The following SLC9A9 variants were observed in gnomAD, a reference collection of about 807,000 sequenced individuals.
SLC9A9 encodes the protein sodium/hydrogen exchanger 9.
SLC9A9 carries 62 observed loss-of-function variants against 77.8 expected under a neutral mutation model. The observed-to-expected ratio is 0.80, with a 90% CI of 0.65 to 0.98. SLC9A9 has a LOEUF of 0.98. SLC9A9 is among the 50% of genes least tolerant of loss of function. SLC9A9 has a pLI of 0.00. For synonymous variants in SLC9A9, 320 were observed against 283.5 expected (o/e 1.13, Z -1.29); for missense variants, 775 against 774.9 (o/e 1.00, Z 0.00).
intron 1 of SLC9A9, among the ~76,000 whole-genome samples, chr3:143,836,314 G>A (rs958482963): frequency 6.6e-6 from 1 of 152,208 alleles, no homozygotes; most frequent in Non-Finnish European, 1.5e-5. Flanking sequence ...CAATGAGACT[G>A]TTTAGGGCAG....
At chr3:143,692,693 CA>C (rs1241764953) in intron 5 of SLC9A9, among the ~76,000 whole-genome samples, 2 of 152,078 alleles carry the variant, frequency 1.3e-5, no homozygotes, top group Non-Finnish European at 2.9e-5. Context: ...GATGATAACT[CA>C]AAATGGCTAC....
In SLC9A9 at chr3:143,389,429, C is replaced by G. The variant is rs180701645; in HGVS notation, c.1470-7315G>C. ...TGAGGGCCATTGTGCAGGACAGGCT[C>G]ACTGTGGGAAGAAGTGGAAAGTATT... On this transcript the variant is annotated intron_variant, in intron 12 of 15. Coordinates refer to ENST00000316549, the MANE Select transcript of SLC9A9 (RefSeq NM_173653.4). Among the ~76,000 whole-genome samples, 342 of 152,230 alleles carry G rather than the reference C, an allele frequency of 2.2e-3. 1 individual carries two copies. Among genetic ancestry groups the G allele is most frequent in the African/African-American group, 7.9e-3 (327 of 41,518 alleles).
intron 12 of SLC9A9, among the ~76,000 whole-genome samples, chr3:143,451,372 C>A (rs1047250461): frequency 2.6e-5 from 4 of 152,128 alleles, no homozygotes; most frequent in African/African-American, 9.7e-5. Flanking sequence ...TAGTTAAAAT[C>A]TCATATATTG....
intron 6 of SLC9A9, among the ~76,000 whole-genome samples, chr3:143,620,214 T>A (rs748967970): frequency 3.9e-5 from 6 of 152,190 alleles, no homozygotes; most frequent in Non-Finnish European, 5.9e-5. Context: ...ATATATCTGA[T>A]CCATCCTAAA....
chr3:143,530,654 AAAACAAACAAAC>A (rs201091337), intron 9 of SLC9A9, among the ~76,000 whole-genome samples: 14 of 134,368 alleles, frequency 1.0e-4, no homozygotes, highest in African/African-American at 3.8e-4. Flanking sequence ...AAAACAAAAC[AAAACAAACAAAC>A]AAACAAACAA....
chr3:143,531,660 C>T (rs918003536), intron 9 of SLC9A9, among the ~76,000 whole-genome samples: 1 of 152,092 alleles, frequency 6.6e-6, no homozygotes, highest in Non-Finnish European at 1.5e-5. Context: ...ACCAAATAAT[C>T]TAGGTAATTG....
intron 12 of SLC9A9, among the ~76,000 whole-genome samples, chr3:143,464,634 A>T (rs115395380): frequency 0.011 from 1,727 of 152,276 alleles, 32 homozygotes; most frequent in African/African-American, 0.039. Flanking sequence ...CACTAGCGGT[A>T]GGAAGTCTAA....
At position 143,360,005 on chromosome 3, in the gene SLC9A9, TGGTG is replaced by T. The variant is rs561480333; in HGVS notation, c.1604+3475_1604+3478del. Among the ~76,000 whole-genome samples the T allele has an allele frequency of 3.0e-3, 453 of 152,308 alleles. 1 individual carries two copies. The highest frequency in any genetic ancestry group is 0.011 in the African/African-American group (441 of 41,558). ...GAGTCCTAATTATTCATTGTTTGAA[TGGTG>T]ACTTTGTGAACATACTGAGACATGA... On this transcript the variant is annotated intron_variant, in intron 14 of 15. Transcript: ENST00000316549.
At chr3:143,477,673 A>T (rs1301623090) in intron 11 of SLC9A9, among the ~76,000 whole-genome samples, 1 of 152,084 alleles carries the variant, frequency 6.6e-6, no homozygotes, top group East Asian at 1.9e-4. Context: ...AAACTGTTGA[A>T]GTTTGGGAGT....
At chr3:143,826,456 T>C (rs2009303182) in intron 2 of SLC9A9, among the ~76,000 whole-genome samples, 1 of 152,186 alleles carries the variant, frequency 6.6e-6, no homozygotes, top group Admixed American at 6.5e-5. Context: ...TTCCTCGTTT[T>C]TCTTGCATCT....
chr3:143,552,560 T>G (rs2036911358), intron 8 of SLC9A9, 110 bp from the exon 9 acceptor site: 2 of 837,920 alleles, frequency 2.4e-6, no homozygotes, highest in Non-Finnish European at 3.9e-6. Context: ...GAGTTAAAAC[T>G]GCTAGTAGTT....
At chr3:143,556,556 T>C (rs1001038233) in intron 8 of SLC9A9, among the ~76,000 whole-genome samples, 6 of 152,224 alleles carry the variant, frequency 3.9e-5, no homozygotes, top group Non-Finnish European at 7.3e-5. Context: ...GAATTCTGGA[T>C]CCTAGCCCAG....
At chr3:143,323,687 A>G (rs2031489549) in intron 14 of SLC9A9, among the ~76,000 whole-genome samples, 1 of 152,222 alleles carries the variant, frequency 6.6e-6, no homozygotes, top group Admixed American at 6.5e-5. Flanking sequence ...TACTTAAGAA[A>G]AATATATCGT....
At chr3:143,569,253 C>T (rs564306119) in intron 8 of SLC9A9, among the ~76,000 whole-genome samples, 1 of 151,202 alleles carries the variant, frequency 6.6e-6, no homozygotes, top group Non-Finnish European at 1.5e-5. Flanking sequence ...GAGTGAAAGA[C>T]TGACCTACTA....
chr3:143,828,372 C>T (rs945453562), intron 2 of SLC9A9, among the ~76,000 whole-genome samples: 2 of 152,000 alleles, frequency 1.3e-5, no homozygotes, highest in Non-Finnish European at 2.9e-5. Flanking sequence ...GCATGGGGCA[C>T]CAGGATAGGC....
chr3:143,497,244 G>C (rs2035851375), intron 9 of SLC9A9, among the ~76,000 whole-genome samples: 1 of 152,072 alleles, frequency 6.6e-6, no homozygotes, highest in South Asian at 2.1e-4. Flanking sequence ...TTTTACCCTA[G>C]AGTGAACATT....
At chr3:143,802,683 T>C (rs948638372) in intron 2 of SLC9A9, among the ~76,000 whole-genome samples, 1 of 152,158 alleles carries the variant, frequency 6.6e-6, no homozygotes, top group Non-Finnish European at 1.5e-5. Context: ...TGGTATTCAG[T>C]GGAACCTTCA....
chr3:143,508,928 AAC>A, intron 9 of SLC9A9, among the ~76,000 whole-genome samples: 1 of 152,204 alleles, frequency 6.6e-6, no homozygotes, highest in Non-Finnish European at 1.5e-5. Context: ...ACTATATGTA[AAC>A]AGTGATATTA....
intron 1 of SLC9A9, among the ~76,000 whole-genome samples, chr3:143,836,124 G>A (rs6440197): frequency 0.011 from 1,697 of 152,280 alleles, 16 homozygotes; most frequent in Middle Eastern, 0.037. Flanking sequence ...ATCCTAAAAT[G>A]TCCCTCTTAA....
Sources: allele counts gnomAD v4.1 joint callset (sites outside exome capture counted in the v4.1 genomes callset), GRCh38; gene constraint gnomAD v4.1.1; transcripts MANE v1.5; gene names NCBI Gene and HGNC (gene_info 2026-07-23, HGNC 2026-07-21).